SMC2: variants seen among roughly 807,000 people sequenced by gnomAD.
SMC2 encodes the protein structural maintenance of chromosomes 2, also known as structural maintenance of chromosomes protein 2.
SMC2 carries 41 observed loss-of-function variants against 142.6 expected under a neutral mutation model. The ratio of observed to expected loss-of-function variants is 0.29; its 90% CI spans 0.22 to 0.37. The LOEUF (loss-of-function observed/expected upper bound fraction) is 0.37, where lower values mean the gene tolerates loss of function less well. Ranked by LOEUF, SMC2 falls within the 10% of genes least tolerant of loss-of-function variation. The probability of loss-of-function intolerance (pLI) is 1.00; values close to 1 mark genes in which losing one functional copy is unlikely to be tolerated. For missense variants in SMC2, 1,265 were observed against 1,373.7 expected, an observed-to-expected ratio of 0.92 and a Z score of 1.25; for synonymous variants, 463 against 457.5, an observed-to-expected ratio of 1.01 and a Z score of -0.15.
chr9:104,105,462 G>T (rs1831647374), intron 9 of SMC2, among the ~76,000 whole-genome samples: 1 of 152,084 alleles, frequency 6.6e-6, no homozygotes, highest in South Asian at 2.1e-4. Flanking sequence ...CCCATTCATG[G>T]GTAGGGAGGC....
chr9:104,134,875 C>T (rs1005277508), intron 23 of SMC2, among the ~76,000 whole-genome samples: 2 of 152,078 alleles, frequency 1.3e-5, no homozygotes, highest in African/African-American at 4.8e-5. Context: ...CTGGCTTTCT[C>T]TCTAGAGGCA....
In SMC2 at chr9:104,140,181, C is replaced by G. The variant is rs1835943546; in HGVS notation, c.*866C>G. On this transcript the variant is annotated 3_prime_UTR_variant, in exon 25 of 25. Transcript: ENST00000374793. ...GAATGTAGGTGCCAGTAGACTAAAC[C>G]AAATTTATTTTTCCCTGAGTCTGAT... 6.6e-6 allele frequency: 1 copy of G among 151,852 alleles called. No individual in the cohort carries two copies. Among genetic ancestry groups the G allele is most frequent in the African/African-American group, 2.4e-5 (1 of 41,330 alleles). 9.4% of individuals were successfully genotyped at this position (151,852 alleles called of 1,614,324 possible).
rs1458888019 is a variant in SMC2, at chr9:104,096,283, A to G, written c.304A>G (p.Thr102Ala). 2.5e-6 allele frequency: 4 copies of G among 1,614,020 alleles called. No individual in the cohort carries two copies. The highest frequency in any genetic ancestry group is 3.4e-6 in the Non-Finnish European group (4 of 1,179,984). The change falls in exon 3 of 25, where the codon ACA (threonine) becomes GCA (alanine). Residue 102 changes from threonine to alanine, a missense_variant. Around this residue, in one of 4 missense-constraint regions of SMC2, gnomAD observed 168 missense variants for 184.8 expected, o/e 0.91. Transcript: ENST00000374793. ...AGGATTTGAGGTTCATGATGAAATC[A>G]CAGTAACAAGGCAGGTGAGTGGCAA... ...PLGFEVHDEI[T>A]VTRQVVIGGR... is the part of the protein sequence containing the mutation.
chr9:104,135,334 A>T (rs755186355), intron 23 of SMC2, among the ~76,000 whole-genome samples: 5 of 152,180 alleles, frequency 3.3e-5, no homozygotes, highest in Non-Finnish European at 7.3e-5. Context: ...GCATGAGATT[A>T]ATAGGAGATG....
chr9:104,118,062 G>A, intron 14 of SMC2, 109 bp from the exon 15 acceptor site: 1 of 760,732 alleles, frequency 1.3e-6, no homozygotes, highest in Admixed American at 3.0e-5. Context: ...TTAATGCTAG[G>A]TAAGTATTAT....
At chr9:104,089,834 C>T (rs1829964471), upstream of SMC2, among the ~76,000 whole-genome samples, 1 of 151,936 alleles carries the variant, frequency 6.6e-6, no homozygotes, top group Non-Finnish European at 1.5e-5. Context: ...TTTTAGTAGA[C>T]GGGGTTTCGC....
Position 104,109,464 on chromosome 9 carries a change from GA to G in SMC2, c.1021-2116del. On this transcript the variant is annotated intron_variant, in intron 9 of 24. Coordinates refer to ENST00000374793, the MANE Select transcript of SMC2 (RefSeq NM_006444.3). ...CATCACCTCTCATGAGGGCTACTGCGATAATGTTCTTATTAGTTGCGCTACT... is the reference window on the plus strand; with the variant it reads ...CATCACCTCTCATGAGGGCTACTGCGTAATGTTCTTATTAGTTGCGCTACT... Among the ~76,000 whole-genome samples, 4 of 152,232 alleles carry G rather than the reference GA, an allele frequency of 2.6e-5. 1 individual carries two copies. Among genetic ancestry groups the G allele is most frequent in the African/African-American group, 9.6e-5 (4 of 41,512 alleles).
rs1835969916 is a variant in SMC2 at position 104,140,466 on chromosome 9, CTCT to C, written c.*1156_*1158del. On this transcript the variant is annotated 3_prime_UTR_variant, in exon 25 of 25. Coordinates refer to ENST00000374793, the MANE Select transcript of SMC2 (RefSeq NM_006444.3). Reference sequence around the variant, plus strand: ...TCCATGTGTTATTTTGGCCCCACATCTCTTCTTGATTTTTTAGTCTTATTTCCT... The same window carrying C: ...TCCATGTGTTATTTTGGCCCCACATCTCTTGATTTTTTAGTCTTATTTCCT... 6.6e-6 allele frequency: 1 copy of C among 152,314 alleles called. No homozygotes were observed. Among genetic ancestry groups the C allele is most frequent in the East Asian group, 1.9e-4 (1 of 5,196 alleles). The allele number at this position is 152,314 out of a possible 1,614,324, so 9.4% of individuals were successfully genotyped here.
chr9:104,095,602 C>A (rs767407152), intron 2 of SMC2, 50 bp downstream of exon 2: 3 of 1,454,300 alleles, frequency 2.1e-6, no homozygotes, highest in Non-Finnish European at 2.9e-6. Context: ...GCAGGAGAAT[C>A]CTCACTGAAC....
chr9:104,109,014 C>G (rs1380987767), intron 9 of SMC2, among the ~76,000 whole-genome samples: 2 of 152,166 alleles, frequency 1.3e-5, no homozygotes, highest in South Asian at 4.2e-4. Context: ...GCCATTCCCT[C>G]TATCAGAATG....
In SMC2 at chr9:104,135,768, G is replaced by A. The variant is rs188043147; in HGVS notation, c.3269+1193G>A. On this transcript the variant is annotated intron_variant, in intron 23 of 24. Transcript: ENST00000374793. ...TTGTTAAACACTATGTAAGCCAGAAGTCTGGAACATCCGTAAAGTGCTGAA... is the reference window on the plus strand; with the variant it reads ...TTGTTAAACACTATGTAAGCCAGAAATCTGGAACATCCGTAAAGTGCTGAA... The A allele has an allele frequency of 1.1e-3, 575 of 504,604 alleles. 2 individuals carry two copies. Among genetic ancestry groups the A allele is most frequent in the African/African-American group, 0.01 (526 of 51,374 alleles). 31.3% of individuals were successfully genotyped at this position (504,604 alleles called of 1,614,324 possible).
At position 104,127,390 on chromosome 9, in the gene SMC2, G is replaced by A; in HGVS notation, c.2700G>A (p.Lys900=). ...AATATGCAGAAGTGGCAAAACACAA[G>A]GAGCAAAACAATGATTCTCAGCTTA... ...KAKYAEVAKH[K]EQNNDSQLKI... is the part of the protein sequence containing the mutation. Residue 900 remains lysine (K), a synonymous_variant, in exon 20 of 25, where the codon AAG becomes AAA. Coordinates refer to ENST00000374793, the MANE Select transcript of SMC2 (RefSeq NM_006444.3). 1 of 1,613,654 alleles carries A rather than the reference G, an allele frequency of 6.2e-7. No individual in the cohort carries two copies. The highest frequency in any genetic ancestry group is 1.7e-5 in the Admixed American group (1 of 59,996).
chr9:104,114,659 A>G (rs757086877), intron 12 of SMC2, 32 bp from the exon 13 acceptor site: 2 of 1,576,836 alleles, frequency 1.3e-6, no homozygotes, highest in South Asian at 1.1e-5. Flanking sequence ...TTTATTATCT[A>G]AGATTAATTT....
At chr9:104,110,358 A>G (rs1276649851) in intron 9 of SMC2, among the ~76,000 whole-genome samples, 1 of 152,222 alleles carries the variant, frequency 6.6e-6, no homozygotes, top group African/African-American at 2.4e-5. Flanking sequence ...GCATCAATAA[A>G]TACACTACAG....
In SMC2 at chr9:104,134,593, T is replaced by TATATTATAA. The variant is rs11281153; in HGVS notation, c.3269+19_3269+27dup. The TATATTATAA allele has an allele frequency of 0.5, 721,904 of 1,449,996 alleles. 202,510 individuals carry two copies. Among genetic ancestry groups the TATATTATAA allele is most frequent in the African/African-American group, 0.73 (49,756 of 67,862 alleles). 89.8% of individuals were successfully genotyped at this position (1,449,996 alleles called of 1,614,324 possible). On this transcript the variant is annotated intron_variant, in intron 23 of 24. Coordinates refer to ENST00000374793, the MANE Select transcript of SMC2 (RefSeq NM_006444.3). Reference sequence around the variant, plus strand: ...GGTCAGAGGTGAGGAATCACTTTGCTATATTATAATTTTCATTCCTCTTTA... The same window carrying TATATTATAA: ...GGTCAGAGGTGAGGAATCACTTTGCTATATTATAAATATTATAATTTTCATTCCTCTTTA...
chr9:104,132,103 C>T lies in SMC2; in HGVS notation c.3086C>T (p.Ala1029Val). ...GACCTTGACCAGAAGAAAAACCAAG[C>T]CCTAAATATTGCATGGCAAAAGGTA... is the stretch of plus-strand genomic sequence containing the variant. The part of the protein sequence containing the change: ...IEDLDQKKNQ[A>V]LNIAWQKVNK... The change falls in exon 22 of 25, where the codon GCC (alanine) becomes GTC (valine). Residue 1029 changes from alanine (A) to valine (V), a missense_variant. Physicochemically the swap from Ala to Val is moderately conservative, Grantham distance 64. Transcript: ENST00000374793. The T allele has an allele frequency of 1.3e-6, 2 of 1,583,138 alleles. No homozygotes were observed. Among genetic ancestry groups the T allele is most frequent in the Non-Finnish European group, 1.7e-6 (2 of 1,162,624 alleles).
Position 104,132,088 on chromosome 9 carries a change from A to G in SMC2, c.3071A>G (p.Gln1024Arg), listed in dbSNP as rs368448171. 5.6e-5 allele frequency: 89 copies of G among 1,598,704 alleles called. No individual in the cohort carries two copies. Among genetic ancestry groups the G allele is most frequent in the Non-Finnish European group, 7.4e-5 (87 of 1,172,930 alleles). Residue 1024 changes from glutamine to arginine, a missense_variant, in exon 22 of 25, where the codon CAG becomes CGG. Gln to Arg is a conservative substitution (Grantham distance 43, BLOSUM62 1). This residue lies in a region of SMC2 where 192 missense variants were observed against 261.9 expected (regional missense o/e 0.73). Coordinates refer to ENST00000374793, the MANE Select transcript of SMC2 (RefSeq NM_006444.3). ...KILTTIEDLDQKKNQALNIAW... is the reference protein window; with the variant it reads ...KILTTIEDLDRKKNQALNIAW... The stretch of plus-strand genomic sequence containing the variant: ...CTTACAACTATAGAAGACCTTGACC[A>G]GAAGAAAAACCAAGCCCTAAATATT...
At chr9:104,101,091 CCA>C (rs1165369319) in intron 7 of SMC2, among the ~76,000 whole-genome samples, 2 of 152,084 alleles carry the variant, frequency 1.3e-5, no homozygotes, top group African/African-American at 4.8e-5. Context: ...GTGCATGCCA[CCA>C]CACCCTGCTA....
At chr9:104,116,420 C>T in intron 14 of SMC2, 101 bp downstream of exon 14, 1 of 1,134,558 alleles carries the variant, frequency 8.8e-7, no homozygotes, top group Non-Finnish European at 1.2e-6. Context: ...TGCAGAACCA[C>T]AAAATTAAAA....
Sources: allele counts gnomAD v4.1 joint callset (sites outside exome capture counted in the v4.1 genomes callset), GRCh38; gene constraint gnomAD v4.1.1; regional missense constraint gnomAD v4.1.1; transcripts MANE v1.5; gene names NCBI Gene and HGNC (gene_info 2026-07-23, HGNC 2026-07-21).